Variants in MEF2C observed in about 807,000 individuals in gnomAD.
The protein encoded by MEF2C is myocyte enhancer factor 2C.
MEF2C carries 6 observed loss-of-function variants against 50.5 expected under a neutral mutation model. The ratio of observed to expected loss-of-function variants is 0.12; its 90% CI spans 0.07 to 0.23. MEF2C has a LOEUF of 0.23. Among genes scored for constraint, MEF2C ranks in the 10% least tolerant of loss-of-function variants. The pLI is 1.00. For synonymous variants in MEF2C, 183 were observed against 228.0 expected, an observed-to-expected ratio of 0.80 and a Z score of 1.78; for missense variants, 276 against 605.0, an observed-to-expected ratio of 0.46 and a Z score of 5.70.
At chr5:88,900,611 T>C (rs1259325392) in intron 1 of MEF2C, among the ~76,000 whole-genome samples, 2 of 152,004 alleles carry the variant, frequency 1.3e-5, no homozygotes, top group Non-Finnish European at 2.9e-5. Flanking sequence ...TCTTTGTATT[T>C]TTTAGAACTA....
chr5:88,804,303 T>C (rs952746697), intron 3 of MEF2C, among the ~76,000 whole-genome samples: 1 of 152,236 alleles, frequency 6.6e-6, no homozygotes, highest in South Asian at 2.1e-4. Flanking sequence ...GGTGTCCTGA[T>C]ACACAGCTGT....
intron 1 of MEF2C, among the ~76,000 whole-genome samples, chr5:88,841,320 A>T (rs1265892589): frequency 6.6e-6 from 1 of 152,132 alleles, no homozygotes; most frequent in Non-Finnish European, 1.5e-5. Flanking sequence ...CAGTCTGGGC[A>T]ACATGGTGAG....
intron 3 of MEF2C, among the ~76,000 whole-genome samples, chr5:88,793,211 A>T (rs1454981814): frequency 6.6e-6 from 1 of 152,200 alleles, no homozygotes; most frequent in Non-Finnish European, 1.5e-5. Context: ...TTGGGACCTG[A>T]CTTGAGTGAA....
At chr5:88,810,480 A>G (rs982677991) in intron 2 of MEF2C, among the ~76,000 whole-genome samples, 1 of 152,172 alleles carries the variant, frequency 6.6e-6, no homozygotes, top group African/African-American at 2.4e-5. Context: ...TTACAATCAC[A>G]GGATACAGAA....
Position 88,844,324 on chromosome 5 carries a change from T to C in MEF2C, c.-142-20394A>G, listed in dbSNP as rs187023522. Among the ~76,000 whole-genome samples, 28 of 152,218 alleles carry C rather than the reference T, an allele frequency of 1.8e-4. No homozygotes were observed. In the East Asian group the frequency reaches 5.4e-3, roughly 29 times the overall value. Reference sequence around the variant, plus strand: ...GCAAGTAAGCAACAAAATTGGGTTTTGAGATAAGGGAGGCTGACTCCAGAG... The same window carrying C: ...GCAAGTAAGCAACAAAATTGGGTTTCGAGATAAGGGAGGCTGACTCCAGAG... On this transcript the variant is annotated intron_variant, in intron 1 of 10. Coordinates refer to ENST00000504921, the MANE Select transcript of MEF2C (RefSeq NM_002397.5).
intron 6 of MEF2C, chr5:88,738,693 G>C: frequency 5.1e-6 from 5 of 985,358 alleles, no homozygotes; most frequent in South Asian, 4.7e-5. Context: ...CAAATGAAGA[G>C]AGGACACAAC....
intron 1 of MEF2C, among the ~76,000 whole-genome samples, chr5:88,833,036 T>C (rs934095659): frequency 2.6e-5 from 4 of 152,142 alleles, no homozygotes; most frequent in African/African-American, 9.7e-5. Context: ...CAACAGATGT[T>C]AACTGCAAAG....
intron 1 of MEF2C, among the ~76,000 whole-genome samples, chr5:88,845,045 T>C (rs1818806068): frequency 6.6e-6 from 1 of 152,248 alleles, no homozygotes; most frequent in Non-Finnish European, 1.5e-5. Flanking sequence ...TACCCATTGA[T>C]TGTAAGCAAC....
intron 1 of MEF2C, chr5:88,843,344 G>T (rs1818093225): frequency 1.0e-6 from 1 of 982,472 alleles, no homozygotes; most frequent in Non-Finnish European, 1.2e-6. Flanking sequence ...ATTTAAATTT[G>T]GTTCCCCCCA....
At chr5:88,874,834 A>T (rs1225172345) in intron 1 of MEF2C, among the ~76,000 whole-genome samples, 1 of 151,992 alleles carries the variant, frequency 6.6e-6, no homozygotes, top group Non-Finnish European at 1.5e-5. Flanking sequence ...TGTTAAATCA[A>T]TAATTTAGTT....
chr5:88,770,711 AT>A lies in MEF2C; in HGVS notation c.259-9384del, dbSNP rs1782025570. Among the ~76,000 whole-genome samples the A allele has an allele frequency of 2.0e-5, 3 of 152,024 alleles. No homozygotes were observed. In the East Asian group the frequency reaches 5.8e-4, roughly 29 times the overall value. On this transcript the variant is annotated intron_variant, in intron 3 of 10. Transcript: ENST00000504921. ...TGACTCACCTATCGTTATTCTTTCT[AT>A]TTGGTCTTCTGTGTTTTGTCTGTTT...
chr5:88,871,389 G>A (rs533703857), intron 1 of MEF2C, among the ~76,000 whole-genome samples: 19 of 151,902 alleles, frequency 1.3e-4, no homozygotes, highest in South Asian at 8.3e-4. Context: ...TTTTAGAGGC[G>A]TCCTTGATTG....
Position 88,743,318 on chromosome 5 carries a change from A to G in MEF2C, c.637+5752T>C, listed in dbSNP as rs1283159827. The stretch of plus-strand genomic sequence containing the variant: ...AACTAAATTTTTAACCACTTCACTG[A>G]TATTTTAAGTCACTAAGTAAGAATT... On this transcript the variant is annotated intron_variant, in intron 6 of 10. Transcript: ENST00000504921. The G allele has an allele frequency of 8.1e-6, 8 of 985,242 alleles. No individual in the cohort carries two copies. In the African/African-American group the frequency reaches 1.2e-4, roughly 15 times the overall value. The allele number at this position is 985,242 out of a possible 1,614,324, so 61.0% of individuals were successfully genotyped here.
At chr5:88,853,398 T>C (rs1390422311) in intron 1 of MEF2C, among the ~76,000 whole-genome samples, 1 of 152,174 alleles carries the variant, frequency 6.6e-6, no homozygotes, top group Non-Finnish European at 1.5e-5. Context: ...ATTAGGACCA[T>C]TAAGAAGAAA....
chr5:88,872,419 T>TA (rs1257547968), intron 1 of MEF2C, among the ~76,000 whole-genome samples: 1 of 151,986 alleles, frequency 6.6e-6, no homozygotes, highest in East Asian at 1.9e-4. Context: ...AGGTTTTGAT[T>TA]TTTTTGGAGA....
chr5:88,761,192 C>T lies in MEF2C; in HGVS notation c.395G>A (p.Arg132Lys). The change falls in exon 4 of 11, where the codon AGA (arginine) becomes AAA (lysine). Residue 132 changes from arginine to lysine, a missense_variant. By Grantham distance (26) the Arg-to-Lys change is conservative (BLOSUM62 2). Around this residue, in one of 2 missense-constraint regions of MEF2C, gnomAD observed 256 missense variants for 468.1 expected, o/e 0.55. Transcript: ENST00000504921. ...GGTGTTCTGAGTACTTACACACAAT[C>T]TTTGCCTGCTGATCATTAGATCAAT... ...EDIDLMISRQ[R>K]LCAVPPPNFE... 6.2e-7 allele frequency: 1 copy of T among 1,614,012 alleles called. No homozygotes were observed. The highest frequency in any genetic ancestry group is 8.5e-7 in the Non-Finnish European group (1 of 1,179,896).
chr5:88,725,275 C>T (rs151221046), intron 10 of MEF2C, among the ~76,000 whole-genome samples: 52 of 152,142 alleles, frequency 3.4e-4, no homozygotes, highest in Admixed American at 1.3e-3. Context: ...ACACTGAAAA[C>T]ATACATGAAG....
chr5:88,877,646 C>A (rs1251974001), intron 1 of MEF2C, among the ~76,000 whole-genome samples: 1 of 151,976 alleles, frequency 6.6e-6, no homozygotes, highest in African/African-American at 2.4e-5. Context: ...ATGAATGCTT[C>A]CAGCACCCTT....
At chr5:88,755,248 A>G (rs1002626658) in intron 4 of MEF2C, among the ~76,000 whole-genome samples, 1 of 152,210 alleles carries the variant, frequency 6.6e-6, no homozygotes, top group African/African-American at 2.4e-5. Flanking sequence ...TATATTACTT[A>G]TTGAGCAGGC....
Sources: allele counts gnomAD v4.1 joint callset (sites outside exome capture counted in the v4.1 genomes callset), GRCh38; gene constraint gnomAD v4.1.1; regional missense constraint gnomAD v4.1.1; transcripts MANE v1.5; gene names NCBI Gene and HGNC (gene_info 2026-07-23, HGNC 2026-07-21).